The following ARHGAP15 variants were observed in gnomAD, a reference collection of about 807,000 sequenced individuals.
The protein encoded by ARHGAP15 is Rho GTPase activating protein 15, also known as rho GTPase-activating protein 15.
ARHGAP15 carries 51 observed loss-of-function variants against 63.7 expected under a neutral mutation model. The ratio of observed to expected loss-of-function variants is 0.80; its 90% CI spans 0.64 to 1.01. The LOEUF is 1.01. Among genes scored for constraint, ARHGAP15 ranks in the 50% least tolerant of loss-of-function variants. The pLI is 0.00. For synonymous variants in ARHGAP15, 191 were observed against 193.8 expected, an observed-to-expected ratio of 0.99 and a Z score of 0.12; for missense variants, 560 against 564.6, an observed-to-expected ratio of 0.99 and a Z score of 0.08.
intron 2 of ARHGAP15, among the ~76,000 whole-genome samples, chr2:143,201,338 G>C (rs1021997720): frequency 1.3e-5 from 2 of 151,796 alleles, no homozygotes; most frequent in African/African-American, 2.4e-5. Flanking sequence ...GCCCAGGCTA[G>C]GGCTCTTTTT....
chr2:143,714,380 C>T (rs1463464873), intron 13 of ARHGAP15, among the ~76,000 whole-genome samples: 1 of 152,246 alleles, frequency 6.6e-6, no homozygotes, highest in Non-Finnish European at 1.5e-5. Context: ...CATGAAACCA[C>T]TGTTTCCTCC....
chr2:143,494,538 G>T (rs1167313489), intron 9 of ARHGAP15, among the ~76,000 whole-genome samples: 1 of 152,096 alleles, frequency 6.6e-6, no homozygotes, highest in Non-Finnish European at 1.5e-5. Context: ...TTGTTGTTTT[G>T]GAGTCTTGTT....
chr2:143,298,460 C>T (rs1173856059), intron 6 of ARHGAP15, among the ~76,000 whole-genome samples: 1 of 151,940 alleles, frequency 6.6e-6, no homozygotes, highest in Non-Finnish European at 1.5e-5. Context: ...ATTATGACAG[C>T]TTCGCTAAGC....
At chr2:143,492,173 C>T (rs952864764) in intron 9 of ARHGAP15, among the ~76,000 whole-genome samples, 2 of 152,150 alleles carry the variant, frequency 1.3e-5, no homozygotes, top group Admixed American at 6.5e-5. Flanking sequence ...TGAGCCACCG[C>T]GCCTGGCCCT....
intron 10 of ARHGAP15, among the ~76,000 whole-genome samples, chr2:143,529,517 C>A (rs1217139931): frequency 6.6e-6 from 1 of 152,036 alleles, no homozygotes; most frequent in Non-Finnish European, 1.5e-5. Context: ...ATTCATTGAT[C>A]TCATAAGGAT....
At chr2:143,322,304 G>A (rs947682695) in intron 6 of ARHGAP15, among the ~76,000 whole-genome samples, 2 of 152,006 alleles carry the variant, frequency 1.3e-5, no homozygotes, top group African/African-American at 4.8e-5. Context: ...AAGTAGAAGG[G>A]GCTGCTTTCT....
At chr2:143,647,585 C>T (rs1182197982) in intron 12 of ARHGAP15, among the ~76,000 whole-genome samples, 1 of 151,866 alleles carries the variant, frequency 6.6e-6, no homozygotes, top group Non-Finnish European at 1.5e-5. Flanking sequence ...CATTGAGTTA[C>T]AAACAAAGAA....
chr2:143,445,153 ATTTTT>A (rs10671306), intron 8 of ARHGAP15, among the ~76,000 whole-genome samples: 1,159 of 74,440 alleles, frequency 0.016, 12 homozygotes, highest in Admixed American at 0.027. Context: ...AAGAACAATT[ATTTTT>A]TTTTTTTTTT....
chr2:143,222,102 C>T (rs1040334180), intron 4 of ARHGAP15, among the ~76,000 whole-genome samples: 3 of 152,158 alleles, frequency 2.0e-5, no homozygotes, highest in Admixed American at 1.3e-4. Context: ...TATTTTTACA[C>T]CTCAGTGTCT....
intron 2 of ARHGAP15, among the ~76,000 whole-genome samples, chr2:143,158,166 A>C (rs1386336553): frequency 6.6e-6 from 1 of 151,928 alleles, no homozygotes. Flanking sequence ...AAAATGATAA[A>C]ATATTCTAGA....
intron 11 of ARHGAP15, among the ~76,000 whole-genome samples, chr2:143,622,130 A>T (rs1309587538): frequency 1.3e-5 from 2 of 152,208 alleles, no homozygotes; most frequent in Non-Finnish European, 2.9e-5. Context: ...TTTTTAGAAC[A>T]TGTGTTAAGC....
At chr2:143,217,526 G>C (rs554780894) in intron 4 of ARHGAP15, among the ~76,000 whole-genome samples, 1 of 152,160 alleles carries the variant, frequency 6.6e-6, no homozygotes, top group Non-Finnish European at 1.5e-5. Context: ...AAGAGTTCAG[G>C]AGAGAGATGC....
chr2:143,768,143 A>T lies in ARHGAP15; in HGVS notation c.1399A>T (p.Ser467Cys), dbSNP rs1312643394. 1.2e-6 allele frequency: 2 copies of T among 1,613,674 alleles called. No individual in the cohort carries two copies. The highest frequency in any genetic ancestry group is 1.7e-6 in the Non-Finnish European group (2 of 1,179,668). The change falls in exon 14 of 14, where the codon AGT (serine) becomes TGT (cysteine). Residue 467 changes from serine to cysteine, a missense_variant. Physicochemically the swap from Ser to Cys is moderately radical, Grantham distance 112. Transcript: ENST00000295095. ...QIAELMLSEY[S>C]KIFGSEED ...AGCTGAGCTCATGCTGAGTGAGTAC[A>T]GTAAGATCTTCGGCTCAGAGGAAGA...
intron 6 of ARHGAP15, among the ~76,000 whole-genome samples, chr2:143,417,303 C>T (rs1688732786): frequency 6.6e-6 from 1 of 152,034 alleles, no homozygotes; most frequent in South Asian, 2.1e-4. Context: ...TGGAGATATA[C>T]CACACATGCT....
intron 6 of ARHGAP15, among the ~76,000 whole-genome samples, chr2:143,412,995 G>A (rs1688505808): frequency 6.6e-6 from 1 of 151,902 alleles, no homozygotes; most frequent in Non-Finnish European, 1.5e-5. Flanking sequence ...TTTCCAATTA[G>A]CTGCCAAAAC....
intron 2 of ARHGAP15, among the ~76,000 whole-genome samples, chr2:143,188,891 T>A (rs1006323393): frequency 6.6e-6 from 1 of 151,904 alleles, no homozygotes; most frequent in African/African-American, 2.4e-5. Flanking sequence ...CCCAAAGTGC[T>A]GGGATTACAG....
chr2:143,380,860 G>A (rs553823821), intron 6 of ARHGAP15, among the ~76,000 whole-genome samples: 1 of 152,174 alleles, frequency 6.6e-6, no homozygotes, highest in South Asian at 2.1e-4. Context: ...TAGACAGAAT[G>A]GGACATTTAA....
intron 6 of ARHGAP15, among the ~76,000 whole-genome samples, chr2:143,385,666 A>G (rs111659057): frequency 1.1e-4 from 17 of 152,178 alleles, no homozygotes; most frequent in Non-Finnish European, 2.1e-4. Context: ...AGCCTGTAAT[A>G]TAACTTTCCA....
intron 13 of ARHGAP15, among the ~76,000 whole-genome samples, chr2:143,731,754 A>G (rs1378017349): frequency 1.3e-5 from 2 of 152,228 alleles, no homozygotes; most frequent in Non-Finnish European, 2.9e-5. Context: ...TGATTCTTGC[A>G]GAATAGCACG....
Sources: allele counts gnomAD v4.1 joint callset (sites outside exome capture counted in the v4.1 genomes callset), GRCh38; gene constraint gnomAD v4.1.1; transcripts MANE v1.5; gene names NCBI Gene and HGNC (gene_info 2026-07-23, HGNC 2026-07-21).